Variants in CUX1 observed in about 807,000 individuals in gnomAD.
The protein encoded by CUX1 is cut like homeobox 1.
A neutral mutation model predicts 158.8 loss-of-function variants in CUX1; 31 were observed. The observed-to-expected ratio is 0.20, with a 90% CI of 0.15 to 0.26. The LOEUF is 0.26. Among genes scored for constraint, CUX1 ranks in the 10% least tolerant of loss-of-function variants. CUX1 has a pLI of 1.00. For missense variants in CUX1, 1,589 were observed against 2,014.6 expected (o/e 0.79, Z 4.04); for synonymous variants, 879 against 862.1 (o/e 1.02, Z -0.34).
At chr7:102,225,516 AT>A (rs1798255931) in intron 20 of CUX1, among the ~76,000 whole-genome samples, 1 of 152,146 alleles carries the variant, frequency 6.6e-6, no homozygotes, top group African/African-American at 2.4e-5. Context: ...GCTATCTACT[AT>A]GGTGCTGATG....
In CUX1 at chr7:102,118,144, G is replaced by A. The variant is rs185374700; in HGVS notation, c.674+2871G>A. ...ACATGTATTTTATTAGACCAGACACGTTTTCATTCATGTTTGTGAATATAA... is the reference window on the plus strand; with the variant it reads ...ACATGTATTTTATTAGACCAGACACATTTTCATTCATGTTTGTGAATATAA... On this transcript the variant is annotated intron_variant, in intron 8 of 23. Coordinates refer to ENST00000292535, the MANE Select transcript of CUX1 (RefSeq NM_181552.4). 1.8e-3 allele frequency among the ~76,000 whole-genome samples: 271 copies of A among 152,330 alleles called. 1 individual carries two copies. Among genetic ancestry groups the A allele is most frequent in the African/African-American group, 6.1e-3 (252 of 41,578 alleles).
chr7:102,135,860 A>G (rs1833848136), intron 8 of CUX1, among the ~76,000 whole-genome samples: 1 of 151,830 alleles, frequency 6.6e-6, no homozygotes, highest in African/African-American at 2.4e-5. Flanking sequence ...CTATAGTCCT[A>G]GCTACTTGGG....
intron 2 of CUX1, among the ~76,000 whole-genome samples, chr7:101,945,013 G>A (rs1156909527): frequency 1.3e-5 from 2 of 152,194 alleles, no homozygotes; most frequent in Non-Finnish European, 2.9e-5. Context: ...AAATAAGACA[G>A]CATTGCACTT....
intron 2 of CUX1, among the ~76,000 whole-genome samples, chr7:101,952,540 G>C (rs1382696536): frequency 2.0e-5 from 3 of 152,208 alleles, no homozygotes; most frequent in Non-Finnish European, 4.4e-5. Flanking sequence ...AGAACATGTT[G>C]ACCTCATTCG....
intron 1 of CUX1, among the ~76,000 whole-genome samples, chr7:101,848,988 A>C (rs139410333): frequency 2.3e-4 from 35 of 151,684 alleles, no homozygotes; most frequent in African/African-American, 8.5e-4. Context: ...GTGACTTACA[A>C]GTTGGGCCCC....
In CUX1 at chr7:102,205,102, T is replaced by C; in HGVS notation, c.3074-12T>C. 2 of 1,597,636 alleles carry C rather than the reference T, an allele frequency of 1.3e-6. No individual in the cohort carries two copies. The highest frequency in any genetic ancestry group is 1.7e-6 in the Non-Finnish European group (2 of 1,165,776). On this transcript the variant is annotated splice_polypyrimidine_tract_variant and intron_variant, in intron 19 of 23. Coordinates refer to ENST00000292535, the MANE Select transcript of CUX1 (RefSeq NM_181552.4). ...CGTTCCTTCCTTTAATTATAACCTTTTTCTACTTTAGTCCTCCACTCCGTG... is the reference window on the plus strand; with the variant it reads ...CGTTCCTTCCTTTAATTATAACCTTCTTCTACTTTAGTCCTCCACTCCGTG...
chr7:102,243,638 T>TA (rs1256592005), intron 23 of CUX1, among the ~76,000 whole-genome samples: 1 of 123,890 alleles, frequency 8.1e-6, no homozygotes, highest in East Asian at 2.1e-4. Context: ...CAGAAAATAA[T>TA]AATAATAATA....
At chr7:101,904,635 C>G (rs578054657) in intron 1 of CUX1, among the ~76,000 whole-genome samples, 1 of 145,570 alleles carries the variant, frequency 6.9e-6, no homozygotes, top group African/African-American at 2.6e-5. Context: ...GTGGTGTGAT[C>G]TTGGCTCACT....
At chr7:101,906,431 G>A (rs1474827898) in intron 1 of CUX1, among the ~76,000 whole-genome samples, 2 of 151,886 alleles carry the variant, frequency 1.3e-5, no homozygotes, top group African/African-American at 4.8e-5. Flanking sequence ...AGCCTGTGGC[G>A]AGGTCCGAGG....
chr7:102,217,536 AGTC>A (rs1554525294), intron 20 of CUX1, among the ~76,000 whole-genome samples: 1 of 152,238 alleles, frequency 6.6e-6, no homozygotes, highest in African/African-American at 2.4e-5. Context: ...GAAAGAGGAG[AGTC>A]GAAAACCATC....
At chr7:102,276,214 G>A (rs1203580985) in intron 17 of CUX1, among the ~76,000 whole-genome samples, 1 of 152,138 alleles carries the variant, frequency 6.6e-6, no homozygotes, top group African/African-American at 2.4e-5. Flanking sequence ...CCCAGAAGTG[G>A]AATTACTAGA....
At chr7:101,827,973 G>GTT (rs112801049) in intron 1 of CUX1, among the ~76,000 whole-genome samples, 5 of 98,694 alleles carry the variant, frequency 5.1e-5, no homozygotes, top group Admixed American at 1.0e-4. Flanking sequence ...GGTATAACTT[G>GTT]TTTTTTTTTT....
intron 1 of CUX1, among the ~76,000 whole-genome samples, chr7:101,880,117 G>A (rs1799565315): frequency 6.6e-6 from 1 of 151,904 alleles, no homozygotes; most frequent in African/African-American, 2.4e-5. Context: ...ACAACTAAAG[G>A]CACAAAAACT....
At chr7:102,044,002 G>C (rs1202525269) in intron 3 of CUX1, among the ~76,000 whole-genome samples, 2 of 152,038 alleles carry the variant, frequency 1.3e-5, no homozygotes, top group Non-Finnish European at 2.9e-5. Flanking sequence ...TTTTTAGAGA[G>C]AGACAGGGTC....
chr7:101,926,513 T>C (rs1805614263), intron 2 of CUX1, among the ~76,000 whole-genome samples: 1 of 152,144 alleles, frequency 6.6e-6, no homozygotes, highest in African/African-American at 2.4e-5. Context: ...CCAGGGACAT[T>C]GAATGCTAGT....
rs9986853 is a variant in CUX1, at chr7:102,209,713, C to T, written c.3130+4543C>T. On this transcript the variant is annotated intron_variant, in intron 20 of 23. Coordinates refer to ENST00000292535, the MANE Select transcript of CUX1 (RefSeq NM_181552.4). Reference sequence around the variant, plus strand: ...AGGTGGTCCTTGGGGACTGATTCTGCAAGCCCCTTTTGTCTGTCAGTCATT... The same window carrying T: ...AGGTGGTCCTTGGGGACTGATTCTGTAAGCCCCTTTTGTCTGTCAGTCATT... Among the ~76,000 whole-genome samples, 1,263 of 152,294 alleles carry T rather than the reference C, an allele frequency of 8.3e-3. 11 individuals carry two copies. Among genetic ancestry groups the T allele is most frequent in the African/African-American group, 0.029 (1,207 of 41,554 alleles).
rs57080031 is a variant in CUX1, at chr7:102,113,877, A to T, written c.608-1330A>T. Among the ~76,000 whole-genome samples the T allele has an allele frequency of 6.8e-3, 1,030 of 152,322 alleles. 7 individuals are homozygous for T. The highest frequency in any genetic ancestry group is 0.024 in the African/African-American group (983 of 41,566). ...GCTACCGCACCTGGCCTTTAAAAAAAATATAGCAATTCTGGCCTGACAAAG... is the reference window on the plus strand; with the variant it reads ...GCTACCGCACCTGGCCTTTAAAAAATATATAGCAATTCTGGCCTGACAAAG... On this transcript the variant is annotated intron_variant, in intron 7 of 23. Coordinates refer to ENST00000292535, the MANE Select transcript of CUX1 (RefSeq NM_181552.4).
chr7:101,828,546 T>C (rs1793642157), intron 1 of CUX1, among the ~76,000 whole-genome samples: 1 of 152,102 alleles, frequency 6.6e-6, no homozygotes, highest in African/African-American at 2.4e-5. Context: ...CAAAAAAATC[T>C]AAGAGAAACC....
chr7:101,929,465 A>G (rs1806043601), intron 2 of CUX1, among the ~76,000 whole-genome samples: 1 of 152,124 alleles, frequency 6.6e-6, no homozygotes, highest in Non-Finnish European at 1.5e-5. Flanking sequence ...CTGAATGGAG[A>G]ACGTCATTCT....
Sources: gnomAD v4.1 joint callset for allele counts (sites outside exome capture counted in the v4.1 genomes callset) on GRCh38, gnomAD v4.1.1 for gene constraint, MANE v1.5 for transcripts, NCBI Gene and HGNC (gene_info 2026-07-23, HGNC 2026-07-21) for gene names.